The following NBEAL1 variants were observed in gnomAD, a reference collection of about 807,000 sequenced individuals.
NBEAL1 encodes neurobeachin-like protein 1.
NBEAL1 carries 273 observed loss-of-function variants against 351.3 expected under a neutral mutation model. That is an observed-to-expected ratio of 0.78 (90% confidence interval 0.70 to 0.86). The LOEUF (loss-of-function observed/expected upper bound fraction) is 0.86, where lower values mean the gene tolerates loss of function less well. NBEAL1 is among the 40% of genes least tolerant of loss of function. The pLI is 0.00. For synonymous variants in NBEAL1, 1,050 were observed against 1,086.4 expected (o/e 0.97, Z 0.66); for missense variants, 2,961 against 3,201.3 (o/e 0.92, Z 1.81).
At chr2:203,065,398 T>G (rs908332056) in intron 6 of NBEAL1, among the ~76,000 whole-genome samples, 2 of 152,142 alleles carry the variant, frequency 1.3e-5, no homozygotes, top group Non-Finnish European at 2.9e-5. Context: ...GAATAATGAT[T>G]ATGTCCTAGG....
intron 41 of NBEAL1, among the ~76,000 whole-genome samples, chr2:203,174,514 A>C (rs887398564): frequency 1.3e-5 from 2 of 152,114 alleles, no homozygotes; most frequent in Non-Finnish European, 2.9e-5. Context: ...GGGATGTGGA[A>C]TTATAGTTGA....
intron 29 of NBEAL1, among the ~76,000 whole-genome samples, chr2:203,137,797 A>C (rs1445153870): frequency 1.3e-5 from 2 of 151,996 alleles, no homozygotes. Flanking sequence ...CAGCCTATCC[A>C]ACATGGCAAA....
intron 7 of NBEAL1, among the ~76,000 whole-genome samples, chr2:203,074,317 C>CTTTTTTTTTTTTT (rs56217945): frequency 5.1e-4 from 50 of 98,284 alleles, no homozygotes; most frequent in African/African-American, 7.9e-4. Context: ...TTTCTTTCTT[C>CTTTTTTTTTTTTT]TTTTTTTTTT....
intron 36 of NBEAL1, among the ~76,000 whole-genome samples, chr2:203,158,305 T>C (rs1432124323): frequency 6.6e-6 from 1 of 152,166 alleles, no homozygotes; most frequent in Non-Finnish European, 1.5e-5. Context: ...AATTTGCCTA[T>C]ATTAGGATTG....
chr2:203,133,752 A>G (rs540567012), intron 27 of NBEAL1, among the ~76,000 whole-genome samples: 5 of 151,094 alleles, frequency 3.3e-5, no homozygotes, highest in Admixed American at 1.3e-4. Context: ...ATCTCTATAT[A>G]TAGAGTTTAT....
At chr2:203,120,085 A>C (rs1484394665) in intron 18 of NBEAL1, among the ~76,000 whole-genome samples, 1 of 152,190 alleles carries the variant, frequency 6.6e-6, no homozygotes, top group Non-Finnish European at 1.5e-5. Context: ...AAGCAAAATA[A>C]ATTTTTTAAA....
intron 10 of NBEAL1, 50 bp from the exon 11 acceptor site, chr2:203,097,497 G>A: frequency 1.2e-5 from 9 of 775,278 alleles, no homozygotes; most frequent in Non-Finnish European, 1.4e-5. Flanking sequence ...CTGCTTATAG[G>A]TAACAATTTA....
chr2:203,122,086 C>G (rs558837553), intron 18 of NBEAL1, among the ~76,000 whole-genome samples, 168 bp from the exon 19 acceptor site: 1 of 152,112 alleles, frequency 6.6e-6, no homozygotes, highest in Non-Finnish European at 1.5e-5. Context: ...ACGCCCGGCC[C>G]TGATTCTTTC....
intron 2 of NBEAL1, among the ~76,000 whole-genome samples, chr2:203,029,972 A>T (rs2060925152): frequency 6.6e-6 from 1 of 152,190 alleles, no homozygotes; most frequent in Non-Finnish European, 1.5e-5. Context: ...AGGTCCAGAT[A>T]ATAAGTAAAC....
chr2:203,053,414 T>A (rs943714207), intron 4 of NBEAL1, among the ~76,000 whole-genome samples: 1 of 152,334 alleles, frequency 6.6e-6, no homozygotes, highest in Admixed American at 6.5e-5. Context: ...TTTTTAAAAA[T>A]TGAATTGTTT....
chr2:203,185,019 A>G (rs2064854533), intron 44 of NBEAL1, among the ~76,000 whole-genome samples: 1 of 152,170 alleles, frequency 6.6e-6, no homozygotes. Flanking sequence ...TTTAAAGGTA[A>G]AGTGAGGAAG....
intron 42 of NBEAL1, among the ~76,000 whole-genome samples, chr2:203,177,452 A>G (rs991386043): frequency 6.6e-6 from 1 of 152,050 alleles, no homozygotes; most frequent in Non-Finnish European, 1.5e-5. Flanking sequence ...AACATAGACA[A>G]CAGATCTAAA....
chr2:203,137,219 G>C (rs1256208467), intron 29 of NBEAL1, among the ~76,000 whole-genome samples: 1 of 152,182 alleles, frequency 6.6e-6, no homozygotes. Flanking sequence ...AGCCCAGGAT[G>C]GCTTTGAATG....
At position 203,144,649 on chromosome 2, in the gene NBEAL1, T is replaced by C. The variant is rs1240763891; in HGVS notation, c.4898T>C (p.Val1633Ala). Residue 1633 changes from valine to alanine, a missense_variant, in exon 32 of 56, where the codon GTG becomes GCG. By Grantham distance (64) the Val-to-Ala change is moderately conservative. Coordinates refer to ENST00000683969, the MANE Select transcript of NBEAL1 (RefSeq NM_001378026.1). The stretch of plus-strand genomic sequence containing the variant: ...CTAAATACCCTTCTTCAGACCAAAG[T>C]GATTGAAAATCAGGATGAAGCATGT... ...AKLNTLLQTK[V>A]IENQDEACYI... 1.9e-6 allele frequency: 3 copies of C among 1,614,010 alleles called. No individual in the cohort carries two copies. The Admixed American group carries it at 5.0e-5, about 27-fold the overall frequency.
chr2:203,108,377 C>A (rs1340420349), intron 14 of NBEAL1, among the ~76,000 whole-genome samples, 189 bp downstream of exon 14: 1 of 143,352 alleles, frequency 7.0e-6, no homozygotes, highest in Non-Finnish European at 1.5e-5. Flanking sequence ...AGCTGTTTAT[C>A]TCAAATATTG....
At chr2:203,106,488 T>C (rs1374843457) in intron 12 of NBEAL1, among the ~76,000 whole-genome samples, 1 of 152,184 alleles carries the variant, frequency 6.6e-6, no homozygotes, top group Non-Finnish European at 1.5e-5. Context: ...TGCTGTACGA[T>C]GGAAACCATT....
intron 37 of NBEAL1, among the ~76,000 whole-genome samples, chr2:203,166,744 A>C (rs945221486): frequency 2.0e-5 from 3 of 151,110 alleles, no homozygotes; most frequent in Non-Finnish European, 4.4e-5. Flanking sequence ...TAGTAGAGAC[A>C]GGGTTTCTTC....
At chr2:203,075,479 T>G (rs2106146051) in intron 7 of NBEAL1, among the ~76,000 whole-genome samples, 1 of 152,340 alleles carries the variant, frequency 6.6e-6, no homozygotes, top group South Asian at 2.1e-4. Flanking sequence ...CTGTGTAAAA[T>G]CAGAGAATTA....
At chr2:203,143,397 A>G (rs1437191172) in intron 31 of NBEAL1, among the ~76,000 whole-genome samples, 2 of 152,230 alleles carry the variant, frequency 1.3e-5, no homozygotes, top group African/African-American at 4.8e-5. Context: ...TTATGTATCA[A>G]AATATTTTGA....
Sources: allele counts gnomAD v4.1 joint callset (sites outside exome capture counted in the v4.1 genomes callset), GRCh38; gene constraint gnomAD v4.1.1; transcripts MANE v1.5; gene names NCBI Gene and HGNC (gene_info 2026-07-23, HGNC 2026-07-21).